Variants in WRN observed in about 807,000 individuals in gnomAD.
WRN encodes the protein bifunctional 3'-5' exonuclease/ATP-dependent helicase WRN.
Under a neutral mutation model 180.7 loss-of-function variants are expected in WRN, and 149 were observed. That is an observed-to-expected ratio of 0.82 (90% CI 0.72 to 0.94). The LOEUF (loss-of-function observed/expected upper bound fraction) is 0.94. Among genes scored for constraint, WRN ranks in the 40% least tolerant of loss-of-function variants. The pLI is 0.00. For synonymous variants in WRN, 548 were observed against 568.9 expected (o/e 0.96, Z 0.52); for missense variants, 1,661 against 1,700.1 (o/e 0.98, Z 0.40).
intron 23 of WRN, among the ~76,000 whole-genome samples, chr8:31,128,136 C>T (rs915504205): frequency 5.9e-5 from 9 of 151,296 alleles, no homozygotes; most frequent in Non-Finnish European, 7.4e-5. Flanking sequence ...ACAAAGCCGA[C>T]AGAAGAGGTG....
chr8:31,153,842 A>G (rs1239109630), intron 31 of WRN, among the ~76,000 whole-genome samples: 1 of 152,172 alleles, frequency 6.6e-6, no homozygotes, highest in Admixed American at 6.5e-5. Context: ...TTCCTCATAT[A>G]TGTATACATA....
chr8:31,120,427 A>T lies in WRN; in HGVS notation c.2630+3A>T, dbSNP rs1224754548. 3.1e-6 allele frequency: 5 copies of T among 1,609,320 alleles called. No individual in the cohort carries two copies. On this transcript the variant is annotated splice_donor_region_variant and intron_variant, in intron 21 of 34. Coordinates refer to ENST00000298139, the MANE Select transcript of WRN (RefSeq NM_000553.6). ...CCTGCAGACATTAACTTAAATAGGTAAAAAAAATTTATTGTTTTTACTCTT... is the reference window on the plus strand; with the variant it reads ...CCTGCAGACATTAACTTAAATAGGTTAAAAAAATTTATTGTTTTTACTCTT...
chr8:31,108,944 C>T (rs772959107), intron 18 of WRN, among the ~76,000 whole-genome samples: 6 of 152,192 alleles, frequency 3.9e-5, no homozygotes, highest in Admixed American at 3.3e-4. Context: ...TGAGTTGCCT[C>T]CAGTCTTTGG....
chr8:31,174,796 CCTT>C lies in WRN; in HGVS notation c.*1696_*1698del, dbSNP rs1804218626. 2.8e-5 allele frequency among the ~76,000 whole-genome samples: 1 copy of C among 35,338 alleles called. No homozygotes were observed. The highest frequency in any genetic ancestry group is 6.9e-5 in the African/African-American group (1 of 14,540). 23.2% of individuals were successfully genotyped at this position (35,338 alleles called of 152,430 possible). ...TCTTTCCTTCCTTCCCTTCCCTTCC[CCTT>C]CCTTCCTTCCTTCCTTCCTTCCTCC... On this transcript the variant is annotated 3_prime_UTR_variant, in exon 35 of 35. Transcript: ENST00000298139.
chr8:31,035,681 ATC>A (rs891418052), intron 1 of WRN, among the ~76,000 whole-genome samples: 14 of 152,154 alleles, frequency 9.2e-5, no homozygotes, highest in Non-Finnish European at 1.5e-4. Flanking sequence ...AAAATTTGCC[ATC>A]TTAGTCTTTT....
chr8:31,038,843 A>G (rs1811545028), intron 1 of WRN, among the ~76,000 whole-genome samples: 1 of 152,144 alleles, frequency 6.6e-6, no homozygotes, highest in Non-Finnish European at 1.5e-5. Context: ...TTCTTTCCCC[A>G]CTGAATGGAC....
In WRN at chr8:31,134,364, C is replaced by T. The variant is rs1429094965; in HGVS notation, c.2967+1858C>T. 3.3e-5 allele frequency among the ~76,000 whole-genome samples: 5 copies of T among 152,044 alleles called. No homozygotes were observed. The South Asian group carries it at 1.0e-3, about 32-fold the overall frequency. On this transcript the variant is annotated intron_variant, in intron 24 of 34. Transcript: ENST00000298139. Reference sequence around the variant, plus strand: ...TGTATATAAATATATAACATAGTAGCAGCATATAATTCTGTCTTACACAAG... The same window carrying T: ...TGTATATAAATATATAACATAGTAGTAGCATATAATTCTGTCTTACACAAG...
At chr8:31,078,315 T>A (rs1202944083) in intron 8 of WRN, among the ~76,000 whole-genome samples, 1 of 152,198 alleles carries the variant, frequency 6.6e-6, no homozygotes, top group Admixed American at 6.5e-5. Context: ...TAATACCTAA[T>A]GTATCTAGAT....
intron 33 of WRN, among the ~76,000 whole-genome samples, chr8:31,159,328 CAGT>C (rs1303719517): frequency 1.3e-5 from 2 of 150,622 alleles, no homozygotes. Context: ...AAAAAAGTAA[CAGT>C]AGACGCTGGG....
intron 23 of WRN, among the ~76,000 whole-genome samples, chr8:31,130,010 A>AAC (rs1802087050): frequency 8.4e-6 from 1 of 118,490 alleles, no homozygotes. Context: ...GTCTCAAAAA[A>AAC]AAAACAAAAC....
At chr8:31,148,034 A>G (rs762430850) in intron 30 of WRN, among the ~76,000 whole-genome samples, 9 of 151,808 alleles carry the variant, frequency 5.9e-5, no homozygotes, top group African/African-American at 9.7e-5. Flanking sequence ...ACTACAGAAC[A>G]TGCCACCATG....
At chr8:31,131,096 G>A (rs1467789373) in intron 23 of WRN, among the ~76,000 whole-genome samples, 2 of 151,272 alleles carry the variant, frequency 1.3e-5, no homozygotes, top group Non-Finnish European at 2.9e-5. Flanking sequence ...AGAGTAGGAA[G>A]GGGAAGGTGA....
rs1802744402 is a variant in WRN, at chr8:31,143,564, G to A, written c.3324G>A (p.Lys1108=). ...TTTAAATGCAGTCTAACTTGGAGAA[G>A]TTATATTCTTATAAACCATGTGATA... is the stretch of plus-strand genomic sequence containing the variant. The part of the protein sequence containing the change: ...LSTEKKSNLE[K]LYSYKPCDKI... Residue 1108 remains lysine (K), a synonymous_variant, in exon 28 of 35, where the codon AAG becomes AAA. Coordinates refer to ENST00000298139, the MANE Select transcript of WRN (RefSeq NM_000553.6). 1 of 1,593,496 alleles carries A rather than the reference G, an allele frequency of 6.3e-7. No individual in the cohort carries two copies. The highest frequency in any genetic ancestry group is 8.6e-7 in the Non-Finnish European group (1 of 1,164,220).
chr8:31,041,736 A>G (rs1443159442), intron 1 of WRN, among the ~76,000 whole-genome samples: 2 of 152,170 alleles, frequency 1.3e-5, no homozygotes, highest in African/African-American at 2.4e-5. Flanking sequence ...TAGTAAATAG[A>G]TTAGGGAAAA....
At chr8:31,120,171 CAA>C in intron 20 of WRN, 70 bp from the exon 21 acceptor site, 1 of 1,576,500 alleles carries the variant, frequency 6.3e-7, no homozygotes, top group African/African-American at 1.3e-5. Context: ...ATTATTCTTA[CAA>C]AAAGGTATAA....
At chr8:31,160,236 A>G (rs956407985) in intron 33 of WRN, among the ~76,000 whole-genome samples, 1 of 152,240 alleles carries the variant, frequency 6.6e-6, no homozygotes, top group Non-Finnish European at 1.5e-5. Context: ...TGGACGTAGT[A>G]GTCATGCTAA....
At chr8:31,085,085 T>C in intron 10 of WRN, 81 bp from the exon 11 acceptor site, 3 of 1,311,276 alleles carry the variant, frequency 2.3e-6, no homozygotes, top group Non-Finnish European at 3.3e-6. Context: ...AGATATCTAG[T>C]ATATAGGAGC....
chr8:31,159,190 C>T (rs573494483), intron 33 of WRN, among the ~76,000 whole-genome samples: 9 of 151,866 alleles, frequency 5.9e-5, no homozygotes, highest in Non-Finnish European at 1.2e-4. Context: ...GTCTCAGCTA[C>T]TTGGGAGTCT....
intron 33 of WRN, among the ~76,000 whole-genome samples, chr8:31,163,949 C>T (rs1229125422): frequency 6.6e-6 from 1 of 151,330 alleles, no homozygotes; most frequent in Non-Finnish European, 1.5e-5. Flanking sequence ...AACTCTTGGG[C>T]TCAAGCAAGC....
Sources: gnomAD v4.1 joint callset for allele counts (sites outside exome capture counted in the v4.1 genomes callset) on GRCh38, gnomAD v4.1.1 for gene constraint, MANE v1.5 for transcripts, NCBI Gene and HGNC (gene_info 2026-07-23, HGNC 2026-07-21) for gene names.